Variants in AFAP1L1 observed in about 807,000 individuals in gnomAD.
The protein encoded by AFAP1L1 is actin filament-associated protein 1-like 1.
AFAP1L1 carries 77 observed loss-of-function variants against 99.8 expected under a neutral mutation model. That is an observed-to-expected ratio of 0.77 (90% CI 0.64 to 0.93). The LOEUF is 0.93. AFAP1L1 is among the 40% of genes least tolerant of loss of function. The pLI, the probability that AFAP1L1 is intolerant of heterozygous loss-of-function variation, is 0.00. For missense variants in AFAP1L1, 893 were observed against 996.8 expected, an observed-to-expected ratio of 0.90 and a Z score of 1.40; for synonymous variants, 373 against 395.3, an observed-to-expected ratio of 0.94 and a Z score of 0.67.
rs753962546 is a variant in AFAP1L1, at chr5:149,316,239, CAAG to C, written c.1211_1213del (p.Lys404del). ...AGATCACCCGTATCATTGGCTTCTC[CAAG>C]AAGAAGACACTGGCCGATGACCTGC... On this transcript the variant is annotated inframe_deletion, in exon 11 of 19. Transcript: ENST00000296721. 10 of 1,613,962 alleles carry C rather than the reference CAAG, an allele frequency of 6.2e-6. No individual in the cohort carries two copies. The highest frequency in any genetic ancestry group is 7.6e-6 in the Non-Finnish European group (9 of 1,180,020).
Position 149,320,653 on chromosome 5 carries a change from G to A in AFAP1L1, c.1698+190G>A, listed in dbSNP as rs945905969. Among the ~76,000 whole-genome samples, 3 of 152,244 alleles carry A rather than the reference G, an allele frequency of 2.0e-5. No homozygotes were observed. Among genetic ancestry groups the A allele is most frequent in the Non-Finnish European group, 2.9e-5 (2 of 68,036 alleles). Reference sequence around the variant, plus strand: ...TCCCTGGCACAGGAGGCTGGGTGGTGTGGTGGAAAGAGACCCAGGTTGGGA... The same window carrying A: ...TCCCTGGCACAGGAGGCTGGGTGGTATGGTGGAAAGAGACCCAGGTTGGGA... On this transcript the variant is annotated intron_variant, in intron 14 of 18. Transcript: ENST00000296721. This position sits in a 1 kb window ranked among gnomAD's most constrained non-coding sequence, Gnocchi z 4.0.
rs1020424330 is a variant in AFAP1L1, at chr5:149,310,148, C to T, written c.927+13C>T. 1.9e-6 allele frequency: 3 copies of T among 1,572,900 alleles called. No homozygotes were observed. The highest frequency in any genetic ancestry group is 2.6e-6 in the Non-Finnish European group (3 of 1,158,200). ...GGAGTGGCTGAAGGTGCGTGGCCTG[C>T]ACCTGACCTTCCCGCCTTCTCACCC... On this transcript the variant is annotated intron_variant, in intron 8 of 18. Transcript: ENST00000296721.
rs762556444 is a variant in AFAP1L1 at position 149,312,230 on chromosome 5, C to T, written c.1020+26C>T. 4 of 1,610,938 alleles carry T rather than the reference C, an allele frequency of 2.5e-6. No homozygotes were observed. The African/African-American group carries it at 5.3e-5, about 22-fold the overall frequency. Reference sequence around the variant, plus strand: ...GTATATCTGTCTCCACTAAGTCTTCCCCAGGCCAGGCAGTGGCCACTCAAC... The same window carrying T: ...GTATATCTGTCTCCACTAAGTCTTCTCCAGGCCAGGCAGTGGCCACTCAAC... On this transcript the variant is annotated intron_variant, in intron 9 of 18. Transcript: ENST00000296721.
intron 1 of AFAP1L1, among the ~76,000 whole-genome samples, chr5:149,291,799 A>G (rs1213300457): frequency 1.3e-5 from 2 of 152,226 alleles, no homozygotes; most frequent in Non-Finnish European, 2.9e-5. Flanking sequence ...TCTCCAGAAC[A>G]GGAGCCTTTA....
intron 5 of AFAP1L1, among the ~76,000 whole-genome samples, chr5:149,306,079 G>T (rs188915477): frequency 6.6e-6 from 1 of 152,322 alleles, no homozygotes; most frequent in Non-Finnish European, 1.5e-5. Flanking sequence ...CAGGCCGGGA[G>T]ATATGACAGC....
chr5:149,312,764 G>A (rs576833282), intron 9 of AFAP1L1, among the ~76,000 whole-genome samples: 1 of 152,148 alleles, frequency 6.6e-6, no homozygotes, highest in East Asian at 1.9e-4. Flanking sequence ...ACTCCAGCCT[G>A]GGCAACAGAG....
At chr5:149,329,965 CCTCCTCCTCCTCTTCTT>C (rs1440539374) in intron 16 of AFAP1L1, 135 bp downstream of exon 16, 4 of 622,970 alleles carry the variant, frequency 6.4e-6, no homozygotes, top group Non-Finnish European at 1.0e-5. Flanking sequence ...TCCTCCTTCT[CCTCCTCCTCCTCTTCTT>C]CTCCTCTTCA....
chr5:149,308,117 C>CCA, intron 7 of AFAP1L1, among the ~76,000 whole-genome samples: 1 of 152,142 alleles, frequency 6.6e-6, no homozygotes. Flanking sequence ...CCACTACACT[C>CCA]CAACTTGGGC....
At chr5:149,272,107 C>G (rs371634293) in intron 1 of AFAP1L1, 123 bp downstream of exon 1, 1 of 1,000,246 alleles carries the variant, frequency 1.0e-6, no homozygotes, top group Non-Finnish European at 1.3e-6. Context: ...GAGGAACGCT[C>G]GGAGGGGACT....
chr5:149,307,251 A>C (rs1373337711), intron 6 of AFAP1L1, 151 bp from the exon 7 acceptor site: 24 of 774,576 alleles, frequency 3.1e-5, no homozygotes, highest in Non-Finnish European at 5.0e-5. Flanking sequence ...CGTCTCCAAA[A>C]AAAAAGTAGG....
intron 1 of AFAP1L1, 57 bp downstream of exon 1, chr5:149,272,041 G>A: frequency 8.1e-7 from 1 of 1,237,874 alleles, no homozygotes. Context: ...AAGGGAGACT[G>A]GACGATCTGA....
At chr5:149,322,778 G>C (rs1756990778) in intron 15 of AFAP1L1, 61 bp downstream of exon 15, 1 of 1,376,192 alleles carries the variant, frequency 7.3e-7, no homozygotes, top group Non-Finnish European at 9.9e-7. Flanking sequence ...CAGTCTATAG[G>C]AGGGATCTCA....
In AFAP1L1 at chr5:149,317,868, C is replaced by T. The variant is rs143485535; in HGVS notation, c.1407C>T (p.Ala469=). The change falls in exon 12 of 19, where the codon GCC becomes GCT. Residue 469 remains alanine, a synonymous_variant. Coordinates refer to ENST00000296721, the MANE Select transcript of AFAP1L1 (RefSeq NM_152406.4). ...TCGCCCTGCAAGGCTGTGAGGTGGC[C>T]CCGGGCTTTGGGCCCCGACACCCAT... ...NAIALQGCEV[A]PGFGPRHPFA... 1,356 of 1,604,638 alleles carry T rather than the reference C, an allele frequency of 8.5e-4. 2 individuals are homozygous for T. Among genetic ancestry groups the T allele is most frequent in the Non-Finnish European group, 1.1e-3 (1,269 of 1,175,678 alleles).
intron 9 of AFAP1L1, among the ~76,000 whole-genome samples, chr5:149,314,405 A>G (rs1756735534): frequency 1.3e-5 from 2 of 151,934 alleles, no homozygotes; most frequent in South Asian, 4.1e-4. Flanking sequence ...ATCCACAGGG[A>G]GGGTAACTAG....
At position 149,330,930 on chromosome 5, in the gene AFAP1L1, T is replaced by A. The variant is rs187771297; in HGVS notation, c.1975+1100T>A. Among the ~76,000 whole-genome samples, 1,239 of 151,968 alleles carry A rather than the reference T, an allele frequency of 8.2e-3. 14 individuals are homozygous for A. Among genetic ancestry groups the A allele is most frequent in the African/African-American group, 0.028 (1,146 of 41,438 alleles). On this transcript the variant is annotated intron_variant, in intron 16 of 18. Transcript: ENST00000296721. ...ACATGGTAAGCATTTTTAAAAAAAA[T>A]TTTTTTTTAATTTTTGCATTAAAAT... is the stretch of plus-strand genomic sequence containing the variant.
chr5:149,288,131 G>A (rs1478887888), intron 1 of AFAP1L1, among the ~76,000 whole-genome samples: 1 of 152,194 alleles, frequency 6.6e-6, no homozygotes, highest in Non-Finnish European at 1.5e-5. Context: ...CCGACCTGGT[G>A]AATGAACATC....
intron 5 of AFAP1L1, among the ~76,000 whole-genome samples, chr5:149,305,031 G>T (rs1756364514): frequency 6.6e-6 from 1 of 152,178 alleles, no homozygotes; most frequent in African/African-American, 2.4e-5. Context: ...CCAGCAAACT[G>T]TGTGTGGCTT....
At position 149,316,277 on chromosome 5, in the gene AFAP1L1, C is replaced by G; in HGVS notation, c.1241C>G (p.Ser414Cys). The change falls in exon 11 of 19, where the codon TCC (serine) becomes TGC (cysteine). Residue 414 changes from serine to cysteine, a missense_variant. Transcript: ENST00000296721. ...CTGGCCGATGACCTGCAGACGTCCT[C>G]CACCGAGGAGGAGGTTCCCTGCTGT... is the stretch of plus-strand genomic sequence containing the variant. Reference protein sequence around the residue: ...KTLADDLQTSSTEEEVPCCGY... With the variant: ...KTLADDLQTSCTEEEVPCCGY... The G allele has an allele frequency of 6.2e-7, 1 of 1,614,064 alleles. No homozygotes were observed. The highest frequency in any genetic ancestry group is 8.5e-7 in the Non-Finnish European group (1 of 1,179,992).
rs139497514 is a variant in AFAP1L1, at chr5:149,305,628, G to A, written c.437-678G>A. 9.2e-5 allele frequency among the ~76,000 whole-genome samples: 14 copies of A among 152,196 alleles called. No individual in the cohort carries two copies. The East Asian group carries it at 2.7e-3, about 29-fold the overall frequency. On this transcript the variant is annotated intron_variant, in intron 5 of 18. Coordinates refer to ENST00000296721, the MANE Select transcript of AFAP1L1 (RefSeq NM_152406.4). The stretch of plus-strand genomic sequence containing the variant: ...ATCCCACTAACCCCAGCACTGCACC[G>A]TACTACCTCCCAGCTCCAAATGGGA...
Sources: gnomAD v4.1 joint callset for allele counts (sites outside exome capture counted in the v4.1 genomes callset) on GRCh38, gnomAD v4.1.1 for gene constraint, Gnocchi (gnomAD v3.1) non-coding constraint, MANE v1.5 for transcripts, NCBI Gene and HGNC (gene_info 2026-07-23, HGNC 2026-07-21) for gene names.